The following BARD1 variants were observed in gnomAD, a reference collection of about 807,000 sequenced individuals.
BARD1 encodes BRCA1 associated RING domain 1.
In BARD1, 73 loss-of-function variants were observed where a neutral mutation model predicts 77.0. That is an observed-to-expected ratio of 0.95 (90% confidence interval 0.79 to 1.15). The LOEUF (loss-of-function observed/expected upper bound fraction) is 1.15. Among genes scored for constraint, BARD1 ranks in the 50% most tolerant of loss-of-function variants. The pLI, the probability that BARD1 is intolerant of heterozygous loss-of-function variation, is 0.00. For synonymous variants in BARD1, 384 were observed against 338.0 expected, an observed-to-expected ratio of 1.14 and a Z score of -1.49; for missense variants, 993 against 938.8, an observed-to-expected ratio of 1.06 and a Z score of -0.75.
intron 10 of BARD1, 127 bp downstream of exon 10, chr2:214,730,284 G>T: frequency 1.3e-6 from 1 of 793,918 alleles, no homozygotes. Context: ...TCAAGTGCTT[G>T]AAATAAGCAC....
chr2:214,784,515 T>A (rs1695182174), intron 3 of BARD1, among the ~76,000 whole-genome samples: 1 of 152,116 alleles, frequency 6.6e-6, no homozygotes, highest in Admixed American at 6.5e-5. Flanking sequence ...GACCCAGCAA[T>A]CTCATTACTG....
chr2:214,743,080 T>G (rs755048956), intron 9 of BARD1, among the ~76,000 whole-genome samples: 2 of 152,232 alleles, frequency 1.3e-5, no homozygotes, highest in Non-Finnish European at 2.9e-5. Context: ...GAGGGACTAA[T>G]TAATAGGGAT....
chr2:214,745,119 G>C lies in BARD1; in HGVS notation c.1851C>G (p.Thr617=). 2 of 1,613,910 alleles carry C rather than the reference G, an allele frequency of 1.2e-6. No homozygotes were observed. Among genetic ancestry groups the C allele is most frequent in the Non-Finnish European group, 1.7e-6 (2 of 1,179,956 alleles). ...VVVPGDAVQS[T]LKCMLGILNG... ...TGAGAATCCCAAGCATACACTTCAA[G>C]GTACTTTGAACTGCATCACCAGGAA... The change falls in exon 9 of 11, where the codon ACC becomes ACG. Residue 617 remains threonine, a synonymous_variant. Transcript: ENST00000260947.
intron 4 of BARD1, among the ~76,000 whole-genome samples, chr2:214,772,703 A>G (rs945935311): frequency 2.0e-5 from 3 of 152,092 alleles, no homozygotes; most frequent in African/African-American, 4.8e-5. Flanking sequence ...TTTATAACCA[A>G]TCTGCTTTCT....
intron 4 of BARD1, among the ~76,000 whole-genome samples, chr2:214,778,002 C>T (rs932762172): frequency 2.6e-5 from 4 of 152,098 alleles, no homozygotes; most frequent in African/African-American, 9.7e-5. Flanking sequence ...TCGAGACCAG[C>T]CTGGCCAACA....
At chr2:214,769,526 G>C (rs1694378199) in intron 4 of BARD1, among the ~76,000 whole-genome samples, 1 of 152,174 alleles carries the variant, frequency 6.6e-6, no homozygotes, top group Non-Finnish European at 1.5e-5. Flanking sequence ...TGGATCACCT[G>C]AGGTCAGGAG....
Position 214,775,085 on chromosome 2 carries a change from T to C in BARD1, c.1314+5475A>G, listed in dbSNP as rs76801656. 8.2e-3 allele frequency among the ~76,000 whole-genome samples: 1,244 copies of C among 152,266 alleles called. 16 individuals carry two copies. Among genetic ancestry groups the C allele is most frequent in the African/African-American group, 0.028 (1,166 of 41,556 alleles). On this transcript the variant is annotated intron_variant, in intron 4 of 10. Transcript: ENST00000260947. ...TCTCCTCATATCGGCAGTAAGGCGG[T>C]TATGCTTTCTTCTCATCTCATTTGT...
chr2:214,767,749 G>C, intron 5 of BARD1, 95 bp from the exon 6 acceptor site: 2 of 1,176,104 alleles, frequency 1.7e-6, no homozygotes, highest in African/African-American at 1.5e-5. Context: ...AAATGTAAAC[G>C]TCAGGCAGTA....
intron 6 of BARD1, among the ~76,000 whole-genome samples, chr2:214,759,952 G>A (rs1228810621): frequency 6.6e-6 from 1 of 152,214 alleles, no homozygotes; most frequent in East Asian, 1.9e-4. Flanking sequence ...ATATTCAATA[G>A]GACGCTTTTA....
At chr2:214,771,803 T>C (rs926299139) in intron 4 of BARD1, among the ~76,000 whole-genome samples, 6 of 152,094 alleles carry the variant, frequency 3.9e-5, no homozygotes, top group Admixed American at 1.3e-4. Flanking sequence ...ATCTTCAGTT[T>C]TCTAAAAAAG....
intron 6 of BARD1, among the ~76,000 whole-genome samples, chr2:214,766,487 C>T (rs1478028064): frequency 1.3e-5 from 2 of 152,114 alleles, no homozygotes; most frequent in African/African-American, 2.4e-5. Context: ...AATATAAACA[C>T]TAAGTAAATT....
Position 214,809,583 on chromosome 2 carries a change from G to C in BARD1, c.-14C>G. ...ATTATCCGGCATCGTCCCGCCTTCGGATGAAAGGCTCCTCGCAGAGCGGGA... is the reference window on the plus strand; with the variant it reads ...ATTATCCGGCATCGTCCCGCCTTCGCATGAAAGGCTCCTCGCAGAGCGGGA... On this transcript the variant is annotated 5_prime_UTR_variant, in exon 1 of 11. The change creates a new upstream start codon in the 5' untranslated region. Transcript: ENST00000260947. 6.5e-7 allele frequency: 1 copy of C among 1,538,718 alleles called. No homozygotes were observed. The highest frequency in any genetic ancestry group is 2.4e-5 in the East Asian group (1 of 41,048).
In BARD1 at chr2:214,805,838, G is replaced by C. The variant is rs1364700135; in HGVS notation, c.158+3574C>G. On this transcript the variant is annotated intron_variant, in intron 1 of 10. Transcript: ENST00000260947. ...CTTTTCATAAAAAGTTGATTAAAAA[G>C]GCCCACGTTACAATTGTCATAGATG... Among the ~76,000 whole-genome samples, 3 of 151,782 alleles carry C rather than the reference G, an allele frequency of 2.0e-5. No individual in the cohort carries two copies. The East Asian group carries it at 5.8e-4, about 29-fold the overall frequency.
intron 9 of BARD1, among the ~76,000 whole-genome samples, chr2:214,732,475 A>C (rs1692400498): frequency 1.3e-5 from 2 of 151,178 alleles, no homozygotes; most frequent in South Asian, 4.2e-4. Context: ...GGCTCACTGC[A>C]AGCTCCGCCT....
At chr2:214,750,783 T>C (rs1174231489) in intron 7 of BARD1, among the ~76,000 whole-genome samples, 2 of 152,028 alleles carry the variant, frequency 1.3e-5, no homozygotes, top group East Asian at 3.9e-4. Context: ...ATATCTAGAA[T>C]TGTGGCAATC....
At chr2:214,746,752 C>G (rs553361618) in intron 7 of BARD1, among the ~76,000 whole-genome samples, 3 of 152,092 alleles carry the variant, frequency 2.0e-5, no homozygotes, top group African/African-American at 2.4e-5. Flanking sequence ...ATTAAAAACC[C>G]TAGAAGAAAA....
At chr2:214,795,721 C>T (rs1006731897) in intron 2 of BARD1, among the ~76,000 whole-genome samples, 1 of 152,148 alleles carries the variant, frequency 6.6e-6, no homozygotes, top group Non-Finnish European at 1.5e-5. Flanking sequence ...ACTGACAGAA[C>T]TTAGCGATGT....
rs565141933 is a variant in BARD1, at chr2:214,794,238, G to A, written c.216-1793C>T. On this transcript the variant is annotated intron_variant, in intron 2 of 10. Transcript: ENST00000260947. Reference sequence around the variant, plus strand: ...TGCACTCCAGCCTGGGTGACAGAGTGAGACTCTTGTCTTCACAAAAAAATA... The same window carrying A: ...TGCACTCCAGCCTGGGTGACAGAGTAAGACTCTTGTCTTCACAAAAAAATA... Among the ~76,000 whole-genome samples the A allele has an allele frequency of 8.5e-5, 13 of 152,250 alleles. 1 individual carries two copies. In the East Asian group the frequency reaches 2.3e-3, roughly 27 times the overall value.
intron 9 of BARD1, among the ~76,000 whole-genome samples, chr2:214,731,734 T>C (rs571757909): frequency 6.6e-6 from 1 of 152,322 alleles, no homozygotes; most frequent in South Asian, 2.1e-4. Context: ...TCACTGAGGG[T>C]AGGAACCATA....
Sources: allele counts gnomAD v4.1 joint callset (sites outside exome capture counted in the v4.1 genomes callset), GRCh38; gene constraint gnomAD v4.1.1; transcripts MANE v1.5; gene names NCBI Gene and HGNC (gene_info 2026-07-23, HGNC 2026-07-21).